MADD: variants seen among roughly 807,000 people sequenced by gnomAD.
The protein encoded by MADD is MAP kinase-activating death domain protein.
A neutral mutation model predicts 176.7 loss-of-function variants in MADD; 109 were observed. That is an observed-to-expected ratio of 0.62 (90% confidence interval 0.53 to 0.72). MADD has a LOEUF of 0.72. Ranked by LOEUF, MADD falls within the 30% of genes least tolerant of loss-of-function variation. The pLI, the probability that MADD is intolerant of heterozygous loss-of-function variation, is 0.00. For missense variants in MADD, 1,914 were observed against 2,045.5 expected, an observed-to-expected ratio of 0.94 and a Z score of 1.24; for synonymous variants, 771 against 771.3, an observed-to-expected ratio of 1.00 and a Z score of 0.01.
chr11:47,272,534 G>T (rs954933638), intron 1 of MADD, among the ~76,000 whole-genome samples: 1 of 152,132 alleles, frequency 6.6e-6, no homozygotes, highest in Non-Finnish European at 1.5e-5. Context: ...AAGGTCTTAG[G>T]CCGCATGTAG....
At chr11:47,286,610 C>A (rs2060822932) in intron 15 of MADD, 76 bp downstream of exon 15, 1 of 1,063,158 alleles carries the variant, frequency 9.4e-7, no homozygotes, top group South Asian at 1.3e-5. Context: ...GTCAGGAGCC[C>A]TGCATCTGCT....
chr11:47,326,507 G>T, intron 30 of MADD, 37 bp from the exon 34 acceptor site: 1 of 1,351,456 alleles, frequency 7.4e-7, no homozygotes. Context: ...TCAAACTAAC[G>T]CCTTCATTTC....
intron 23 of MADD, 39 bp from the exon 27 acceptor site, chr11:47,309,242 T>C (rs1168584990): frequency 1.9e-6 from 3 of 1,597,266 alleles, no homozygotes; most frequent in Non-Finnish European, 2.6e-6. Flanking sequence ...TATTCTTAAA[T>C]GTTAAATAGG....
At chr11:47,311,164 TCTC>T (rs2088716242) in intron 25 of MADD, among the ~76,000 whole-genome samples, 1 of 152,128 alleles carries the variant, frequency 6.6e-6, no homozygotes, top group African/African-American at 2.4e-5. Context: ...CCACTGGGTT[TCTC>T]CTCCTTCTGT....
chr11:47,292,761 C>A (rs369121379), intron 19 of MADD, among the ~76,000 whole-genome samples, 165 bp downstream of exon 21: 5 of 151,994 alleles, frequency 3.3e-5, no homozygotes, highest in African/African-American at 1.2e-4. Flanking sequence ...TGTGTGTAGG[C>A]CGCTTCTTTC....
rs1403884593 is a variant in MADD at position 47,278,903 on chromosome 11, A to G, written c.1210-96A>G. ...TATAATGTATATTCGTTTATATAAT[A>G]ATAATGTATATACGTCCTCTTATTT... On this transcript the variant is annotated intron_variant, in intron 6 of 32. Coordinates refer to ENST00000402192, the Ensembl canonical transcript of MADD. The G allele has an allele frequency of 7.4e-6, 7 of 941,308 alleles. No homozygotes were observed. In the East Asian group the frequency reaches 1.6e-4, roughly 22 times the overall value. 58.3% of individuals were successfully genotyped at this position (941,308 alleles called of 1,614,324 possible).
intron 7 of MADD, among the ~76,000 whole-genome samples, chr11:47,281,130 G>C (rs1424533908): frequency 6.6e-6 from 1 of 152,212 alleles, no homozygotes; most frequent in Non-Finnish European, 1.5e-5. Flanking sequence ...GAGCCTCTGA[G>C]GGGCCGATTT....
At chr11:47,300,415 C>T (rs11530166) in intron 22 of MADD, among the ~76,000 whole-genome samples, 43,906 of 149,808 alleles carry the variant, frequency 0.29, 7,293 homozygotes, top group East Asian at 0.63. Context: ...CCATGTTGGC[C>T]AGGGTGGTCT....
chr11:47,285,755 GGTCA>G (rs554717586), intron 14 of MADD, among the ~76,000 whole-genome samples, 165 bp downstream of exon 14: 151 of 134,632 alleles, frequency 1.1e-3, no homozygotes, highest in Admixed American at 3.7e-3. Flanking sequence ...TTTCAAGTGA[GGTCA>G]GTAAAGGACA....
chr11:47,271,494 G>A (rs933564315), intron 1 of MADD, among the ~76,000 whole-genome samples: 2 of 152,192 alleles, frequency 1.3e-5, no homozygotes, highest in Admixed American at 1.3e-4. Flanking sequence ...AGTGACTTGA[G>A]TTTCGTCAGA....
chr11:47,298,221 G>A (rs905953535), intron 22 of MADD, among the ~76,000 whole-genome samples: 3 of 152,222 alleles, frequency 2.0e-5, no homozygotes, highest in Non-Finnish European at 4.4e-5. Flanking sequence ...GATGACATTT[G>A]TGGTGGAAGG....
In MADD at chr11:47,285,060, A is replaced by AC. The variant is rs2059638187; in HGVS notation, c.2277_2278insC (p.Glu760ArgfsTer10). On this transcript the variant is annotated frameshift_variant, in exon 13 of 33. Transcript: ENST00000402192. LOFTEE classifies it high-confidence loss of function. ...TGGACAGACGTCAGGCAGAAATTGG[A>AC]GAGGGGTCAGTGCGCCGGCGAATCT... 1 of 1,613,996 alleles carries AC rather than the reference A, an allele frequency of 6.2e-7. No individual in the cohort carries two copies. Among genetic ancestry groups the AC allele is most frequent in the Non-Finnish European group, 8.5e-7 (1 of 1,180,034 alleles).
At chr11:47,283,787 G>T (rs2058748937) in intron 10 of MADD, among the ~76,000 whole-genome samples, 1 of 151,896 alleles carries the variant, frequency 6.6e-6, no homozygotes, top group South Asian at 2.1e-4. Context: ...TGGCCAGGCT[G>T]GTTTCAAACT....
Position 47,295,881 on chromosome 11 carries a change from CT to C in MADD, c.3484-10del. The C allele has an allele frequency of 6.2e-7, 1 of 1,607,206 alleles. No individual in the cohort carries two copies. The highest frequency in any genetic ancestry group is 8.5e-7 in the Non-Finnish European group (1 of 1,176,660). ...ATCCCTGGGGACTGTCTCTTACTAC[CT>C]TTTTTCCTTTCCAGGTGAGTAATAG... On this transcript the variant is annotated splice_polypyrimidine_tract_variant and intron_variant, in intron 21 of 32. Coordinates refer to ENST00000402192, the Ensembl canonical transcript of MADD.
chr11:47,324,894 GTCTC>G, intron 30 of MADD: 1 of 604,882 alleles, frequency 1.7e-6, no homozygotes, highest in East Asian at 2.7e-5. Context: ...CCCCTGCAGT[GTCTC>G]TGCCTTCCTC....
chr11:47,299,635 T>TATCAG, intron 22 of MADD, among the ~76,000 whole-genome samples: 1 of 138,646 alleles, frequency 7.2e-6, no homozygotes, highest in Non-Finnish European at 1.6e-5. Context: ...GCTCAAGCAG[T>TATCAG]CCTTCCATCT....
At chr11:47,303,244 T>G (rs961844607) in intron 22 of MADD, among the ~76,000 whole-genome samples, 1 of 147,710 alleles carries the variant, frequency 6.8e-6, no homozygotes. Flanking sequence ...TTGCTGTTTT[T>G]TTTTTTTTTT....
Position 47,315,211 on chromosome 11 carries a change from T to C in MADD, c.4090-9T>C, listed in dbSNP as rs2092388318. 1.3e-6 allele frequency: 2 copies of C among 1,592,006 alleles called. No homozygotes were observed. Among genetic ancestry groups the C allele is most frequent in the African/African-American group, 1.3e-5 (1 of 74,624 alleles). ...TATGACTGTCCCTAAAAAATCTCTCTTTCATCAGAATGGACGCGATCTCTC... is the reference window on the plus strand; with the variant it reads ...TATGACTGTCCCTAAAAAATCTCTCCTTCATCAGAATGGACGCGATCTCTC... On this transcript the variant is annotated splice_polypyrimidine_tract_variant and intron_variant, in intron 26 of 32. Coordinates refer to ENST00000402192, the Ensembl canonical transcript of MADD.
intron 26 of MADD, among the ~76,000 whole-genome samples, chr11:47,312,365 C>T (rs1380768216): frequency 6.6e-6 from 1 of 152,236 alleles, no homozygotes; most frequent in East Asian, 1.9e-4. Context: ...TCTCATGCCT[C>T]AGCCTCCCAA....
Sources: allele counts gnomAD v4.1 joint callset (sites outside exome capture counted in the v4.1 genomes callset), GRCh38; gene constraint gnomAD v4.1.1; transcripts MANE v1.5; gene names NCBI Gene and HGNC (gene_info 2026-07-23, HGNC 2026-07-21).